The following ADGRL2 variants were observed in gnomAD, a reference collection of about 807,000 sequenced individuals.
The protein encoded by ADGRL2 is adhesion G protein-coupled receptor L2.
A neutral mutation model predicts 157.4 loss-of-function variants in ADGRL2; 44 were observed. That is an observed-to-expected ratio of 0.28 (90% CI 0.22 to 0.36). The LOEUF (loss-of-function observed/expected upper bound fraction) is 0.36, where lower values mean the gene tolerates loss of function less well. Ranked by LOEUF, ADGRL2 falls within the 10% of genes least tolerant of loss-of-function variation. The pLI is 1.00. For missense variants in ADGRL2, 1,510 were observed against 1,768.9 expected, an observed-to-expected ratio of 0.85 and a Z score of 2.63; for synonymous variants, 585 against 624.7, an observed-to-expected ratio of 0.94 and a Z score of 0.95.
chr1:81,984,553 A>G, intron 19 of ADGRL2, 30 bp from the exon 20 acceptor site: 1 of 1,547,092 alleles, frequency 6.5e-7, no homozygotes, highest in Non-Finnish European at 8.8e-7. Context: ...TGTTATATTA[A>G]TCCCTTGGTC....
chr1:81,754,440 TCTCCTCCTC>T (rs147813577), intron 1 of ADGRL2, among the ~76,000 whole-genome samples: 2 of 131,260 alleles, frequency 1.5e-5, no homozygotes, highest in Non-Finnish European at 3.2e-5. Context: ...TCCTCCTCCT[TCTCCTCCTC>T]CTCCTCCTCC....
chr1:81,469,353 G>A (rs376873931), intron 2 of ADGRL2, among the ~76,000 whole-genome samples: 11 of 152,114 alleles, frequency 7.2e-5, no homozygotes, highest in African/African-American at 2.7e-4. Context: ...CAGGGACACG[G>A]CTCCTTGATC....
chr1:81,819,301 C>G (rs1470537210), intron 1 of ADGRL2, among the ~76,000 whole-genome samples: 2 of 151,988 alleles, frequency 1.3e-5, no homozygotes, highest in Non-Finnish European at 2.9e-5. Flanking sequence ...AATCAAAGCC[C>G]AGAACCAAGG....
intron 2 of ADGRL2, among the ~76,000 whole-genome samples, chr1:81,563,236 T>TAC (rs1425342302): frequency 1.3e-5 from 2 of 152,202 alleles, no homozygotes; most frequent in African/African-American, 4.8e-5. Context: ...TGTAAGGCAT[T>TAC]ACACATCAGT....
rs562870682 is a variant in ADGRL2, at chr1:81,331,742, T to C, written c.-302+25233T>C. On this transcript the variant is annotated intron_variant, in intron 1 of 24. Transcript: ENST00000370721. ...CAGTGCCATTTTACATGCCATAGAT[T>C]TATTGATCATTTAATAATATTTTTA... is the stretch of plus-strand genomic sequence containing the variant. Among the ~76,000 whole-genome samples the C allele has an allele frequency of 2.0e-5, 3 of 152,264 alleles. No homozygotes were observed. In the South Asian group the frequency reaches 6.2e-4, roughly 32 times the overall value.
At chr1:81,638,105 G>A (rs12735283) in intron 3 of ADGRL2, among the ~76,000 whole-genome samples, 2,164 of 151,744 alleles carry the variant, frequency 0.014, 23 homozygotes, top group Non-Finnish European at 0.023. Context: ...CAGAGACCAC[G>A]CAAGCAAGAA....
At chr1:81,617,156 T>G (rs2081674821) in intron 3 of ADGRL2, among the ~76,000 whole-genome samples, 1 of 152,236 alleles carries the variant, frequency 6.6e-6, no homozygotes, top group Non-Finnish European at 1.5e-5. Context: ...TGAACTTCTA[T>G]GAGCCGGCAT....
At chr1:81,844,795 C>A (rs1046215293) in intron 2 of ADGRL2, among the ~76,000 whole-genome samples, 1 of 152,160 alleles carries the variant, frequency 6.6e-6, no homozygotes, top group Admixed American at 6.6e-5. Context: ...ATCAGCACTT[C>A]AGGAAGCAGA....
intron 2 of ADGRL2, among the ~76,000 whole-genome samples, chr1:81,762,968 C>T (rs530850350): frequency 1.4e-5 from 2 of 142,372 alleles, no homozygotes; most frequent in East Asian, 2.3e-4. Flanking sequence ...AGGAGAATGG[C>T]GTGAACCCAG....
intron 1 of ADGRL2, among the ~76,000 whole-genome samples, chr1:81,818,407 G>T (rs909625430): frequency 2.0e-5 from 3 of 152,094 alleles, no homozygotes; most frequent in East Asian, 1.9e-4. Context: ...TGCCACAGAG[G>T]TTATTGTGGC....
At chr1:81,768,910 G>A (rs562718226) in intron 2 of ADGRL2, among the ~76,000 whole-genome samples, 56 of 152,040 alleles carry the variant, frequency 3.7e-4, no homozygotes, top group East Asian at 3.9e-4. Context: ...GTGAAACCCC[G>A]TCTCTACTAA....
intron 3 of ADGRL2, among the ~76,000 whole-genome samples, chr1:81,692,352 G>GTT (rs2148995507): frequency 6.6e-6 from 1 of 152,226 alleles, no homozygotes; most frequent in East Asian, 1.9e-4. Context: ...TTTTTAAAGT[G>GTT]TTTATACCCA....
Position 81,907,056 on chromosome 1 carries a change from G to A in ADGRL2, c.113G>A (p.Arg38Gln), listed in dbSNP as rs1195606200. 1.9e-6 allele frequency: 3 copies of A among 1,614,026 alleles called. No individual in the cohort carries two copies. In the South Asian group the frequency reaches 3.3e-5, roughly 18 times the overall value. Residue 38 changes from arginine (R) to glutamine (Q), a missense_variant, in exon 3 of 24, where the codon CGA becomes CAA. Transcript: ENST00000686636. ...GCTTTACCATTTGGGCTGGTGAGGC[G>A]AGAATTATCCTGTGAAGGTTATTCT... ...RAALPFGLVR[R>Q]ELSCEGYSID...
rs151054255 is a variant in ADGRL2 at position 81,744,700 on chromosome 1, G to T, written c.-142-17111G>T. Reference sequence around the variant, plus strand: ...CTGCTCAAAATTACTGTATCAAAATGCCTCTTATTACAAGGGACAGGATGA... The same window carrying T: ...CTGCTCAAAATTACTGTATCAAAATTCCTCTTATTACAAGGGACAGGATGA... On this transcript the variant is annotated intron_variant, in intron 1 of 20. Coordinates refer to the ADGRL2 transcript ENST00000359929. 6.2e-4 allele frequency among the ~76,000 whole-genome samples: 95 copies of T among 152,214 alleles called. No homozygotes were observed. In the East Asian group the frequency reaches 0.017, roughly 27 times the overall value.
At chr1:81,707,159 G>A (rs2083763800) in intron 1 of ADGRL2, among the ~76,000 whole-genome samples, 1 of 152,092 alleles carries the variant, frequency 6.6e-6, no homozygotes, top group South Asian at 2.1e-4. Context: ...AAGGTGGGTG[G>A]CGGTTAATGG....
At chr1:81,876,247 T>C (rs2093838421) in intron 2 of ADGRL2, among the ~76,000 whole-genome samples, 1 of 152,184 alleles carries the variant, frequency 6.6e-6, no homozygotes, top group Non-Finnish European at 1.5e-5. Flanking sequence ...GCTTTGAATG[T>C]GTTTCTGAAA....
intron 3 of ADGRL2, among the ~76,000 whole-genome samples, chr1:81,628,462 T>G (rs945151707): frequency 1.3e-5 from 2 of 152,150 alleles, no homozygotes; most frequent in Non-Finnish European, 2.9e-5. Flanking sequence ...TAAATCAACA[T>G]TTACTAAGTG....
At chr1:81,939,202 A>G (rs1407857390) in intron 4 of ADGRL2, among the ~76,000 whole-genome samples, 1 of 151,654 alleles carries the variant, frequency 6.6e-6, no homozygotes, top group East Asian at 1.9e-4. Flanking sequence ...TTACTTTAGT[A>G]TGTTTATAAA....
chr1:81,694,035 A>T (rs72718809), intron 3 of ADGRL2, among the ~76,000 whole-genome samples: 2,677 of 152,326 alleles, frequency 0.018, 32 homozygotes, highest in South Asian at 0.054. Flanking sequence ...AATCAACAAA[A>T]GATACCTAAG....
Sources: gnomAD v4.1 joint callset for allele counts (sites outside exome capture counted in the v4.1 genomes callset) on GRCh38, gnomAD v4.1.1 for gene constraint, MANE v1.5 for transcripts, NCBI Gene and HGNC (gene_info 2026-07-23, HGNC 2026-07-21) for gene names.